Variants in TM4SF4 observed in about 807,000 individuals in gnomAD.
TM4SF4 encodes transmembrane 4 L six family member 4, also known as transmembrane 4 L6 family member 4.
A neutral mutation model predicts 24.1 loss-of-function variants in TM4SF4; 24 were observed. The observed-to-expected ratio is 1.00, with a 90% CI of 0.72 to 1.40. TM4SF4 has a LOEUF of 1.40. TM4SF4 is among the 40% of genes most tolerant of loss of function. The pLI, the probability that TM4SF4 is intolerant of heterozygous loss-of-function variation, is 0.00. For missense variants in TM4SF4, 254 were observed against 254.2 expected, an observed-to-expected ratio of 1.00 and a Z score of 0.01; for synonymous variants, 113 against 97.0, an observed-to-expected ratio of 1.17 and a Z score of -0.97.
chr3:149,477,399 C>T (rs1236998768), intron 2 of TM4SF4, among the ~76,000 whole-genome samples: 1 of 152,138 alleles, frequency 6.6e-6, no homozygotes, highest in East Asian at 1.9e-4. Flanking sequence ...GTTCACATGT[C>T]CACCTAAAAG....
chr3:149,487,507 C>T, intron 2 of TM4SF4, 112 bp from the exon 3 acceptor site: 1 of 1,342,958 alleles, frequency 7.4e-7, no homozygotes. Context: ...AGACTAGCTC[C>T]TACTCCATAA....
intron 3 of TM4SF4, chr3:149,495,878 G>A (rs1189914435): frequency 5.5e-6 from 1 of 183,448 alleles, no homozygotes; most frequent in African/African-American, 2.4e-5. Context: ...CCTCCTCTGG[G>A]TCATGTTGCT....
intron 4 of TM4SF4, among the ~76,000 whole-genome samples, chr3:149,500,003 G>A (rs1408814792): frequency 2.6e-5 from 4 of 151,954 alleles, no homozygotes; most frequent in African/African-American, 4.8e-5. Context: ...GTCTCCCTCC[G>A]GCCTTTGTCT....
chr3:149,498,704 C>T lies in TM4SF4; in HGVS notation c.402-18C>T, dbSNP rs1256378375. ...CACTTTTTACAAATGTTTCCTTTGT[C>T]CCCTATATCACCAACAGGGATTATC... is the stretch of plus-strand genomic sequence containing the variant. On this transcript the variant is annotated intron_variant, in intron 3 of 4. Coordinates refer to ENST00000305354, the MANE Select transcript of TM4SF4 (RefSeq NM_004617.4). 1 of 1,611,514 alleles carries T rather than the reference C, an allele frequency of 6.2e-7. No individual in the cohort carries two copies. Among genetic ancestry groups the T allele is most frequent in the Non-Finnish European group, 8.5e-7 (1 of 1,177,954 alleles).
In TM4SF4 at chr3:149,487,686, C is replaced by G. The variant is rs769471116; in HGVS notation, c.332C>G (p.Ala111Gly). The change falls in exon 3 of 5, where the codon GCC (alanine) becomes GGC (glycine). Residue 111 changes from alanine to glycine, a missense_variant. By Grantham distance (60) the Ala-to-Gly change is moderately conservative. Coordinates refer to ENST00000305354, the MANE Select transcript of TM4SF4 (RefSeq NM_004617.4). ...GCTGGATACTCGTTTATCATCTCAG[C>G]CATTTCAATCAACAAGGGTCCTAAA... ...LGAGYSFIIS[A>G]ISINKGPKCL... The G allele has an allele frequency of 1.7e-5, 27 of 1,614,038 alleles. 2 individuals carry two copies. In the South Asian group the frequency reaches 2.9e-4, roughly 17 times the overall value.
intron 3 of TM4SF4, among the ~76,000 whole-genome samples, chr3:149,494,010 T>C (rs956431406): frequency 2.0e-5 from 3 of 152,194 alleles, no homozygotes; most frequent in African/African-American, 7.2e-5. Flanking sequence ...ACAGCTCAGG[T>C]GGAAATACCT....
intron 3 of TM4SF4, chr3:149,495,383 T>C: frequency 3.1e-6 from 1 of 327,254 alleles, no homozygotes. Flanking sequence ...CCCTTGCATC[T>C]GCCCCTCCAG....
chr3:149,491,311 A>AAAAAAAAAAAATTGG (rs1734206266), intron 3 of TM4SF4, among the ~76,000 whole-genome samples: 1 of 151,420 alleles, frequency 6.6e-6, no homozygotes, highest in Admixed American at 6.6e-5. Context: ...AAAAAAATTA[A>AAAAAAAAAAAATTGG]AAAATTAGCT....
chr3:149,481,341 G>A lies in TM4SF4; in HGVS notation c.264+5429G>A, dbSNP rs1734029810. 1.3e-5 allele frequency among the ~76,000 whole-genome samples: 2 copies of A among 152,132 alleles called. 1 individual carries two copies. The highest frequency in any genetic ancestry group is 4.2e-4 in the South Asian group (2 of 4,818). On this transcript the variant is annotated intron_variant, in intron 2 of 4. Coordinates refer to ENST00000305354, the MANE Select transcript of TM4SF4 (RefSeq NM_004617.4). ...CATAGATCCTCAATAAGTACTTGCT[G>A]GATGGATGAAGTAAGTGAACACCTA... is the stretch of plus-strand genomic sequence containing the variant.
intron 3 of TM4SF4, among the ~76,000 whole-genome samples, chr3:149,490,564 T>C (rs1404703045): frequency 6.6e-6 from 1 of 152,202 alleles, no homozygotes; most frequent in East Asian, 1.9e-4. Context: ...TCACTCCAAG[T>C]CACAGTGCTT....
chr3:149,486,403 T>C (rs1734116375), intron 2 of TM4SF4, among the ~76,000 whole-genome samples: 1 of 152,242 alleles, frequency 6.6e-6, no homozygotes, highest in South Asian at 2.1e-4. Context: ...CTTTAAACCC[T>C]GTGCTTCGTC....
At chr3:149,486,373 CCTGGGT>C (rs1314423048) in intron 2 of TM4SF4, among the ~76,000 whole-genome samples, 4 of 152,148 alleles carry the variant, frequency 2.6e-5, no homozygotes, top group African/African-American at 9.7e-5. Context: ...GAGATATGAG[CCTGGGT>C]CTGGGTCTGC....
chr3:149,501,314 A>G (rs564921742), intron 4 of TM4SF4, among the ~76,000 whole-genome samples: 19 of 151,436 alleles, frequency 1.3e-4, no homozygotes, highest in African/African-American at 4.4e-4. Context: ...AGAATTGTCC[A>G]TTTTTTTCCC....
chr3:149,482,774 G>A (rs995184984), intron 2 of TM4SF4, among the ~76,000 whole-genome samples: 6 of 152,106 alleles, frequency 3.9e-5, no homozygotes, highest in African/African-American at 7.2e-5. Context: ...GAACTCCTGG[G>A]CTCAAGCGGT....
At position 149,498,734 on chromosome 3, in the gene TM4SF4, T is replaced by C; in HGVS notation, c.414T>C (p.Asn138=). ...ATATCACCAACAGGGATTATCTCAA[T>C]GATGAGGCCTTATGGAACAAGTGCC... ...GYPFHDGDYL[N]DEALWNKCRE... Residue 138 remains asparagine (N), a synonymous_variant, in exon 4 of 5, where the codon AAT becomes AAC. Coordinates refer to ENST00000305354, the MANE Select transcript of TM4SF4 (RefSeq NM_004617.4). 6.2e-7 allele frequency: 1 copy of C among 1,613,990 alleles called. No homozygotes were observed.
chr3:149,492,347 A>G (rs941956587), intron 3 of TM4SF4, among the ~76,000 whole-genome samples: 22 of 152,062 alleles, frequency 1.4e-4, no homozygotes, highest in African/African-American at 4.8e-5. Context: ...TAAGGGAGGG[A>G]GCAAAAGTAG....
intron 2 of TM4SF4, among the ~76,000 whole-genome samples, chr3:149,486,492 T>G (rs1246332788): frequency 1.3e-5 from 2 of 152,258 alleles, no homozygotes; most frequent in Non-Finnish European, 2.9e-5. Flanking sequence ...CTAGTTACTG[T>G]CTAGAATGGA....
At chr3:149,482,841 G>C (rs530394548) in intron 2 of TM4SF4, among the ~76,000 whole-genome samples, 2 of 152,160 alleles carry the variant, frequency 1.3e-5, no homozygotes, top group African/African-American at 2.4e-5. Context: ...ACCAAGCCCG[G>C]CCTTTCTTTC....
At chr3:149,476,332 TCCTCC>T (rs1205573788) in intron 2 of TM4SF4, among the ~76,000 whole-genome samples, 6 of 152,264 alleles carry the variant, frequency 3.9e-5, no homozygotes, top group African/African-American at 1.4e-4. Context: ...AAAGATGGTA[TCCTCC>T]CCTCCCCAGT....
Sources: gnomAD v4.1 joint callset for allele counts (sites outside exome capture counted in the v4.1 genomes callset) on GRCh38, gnomAD v4.1.1 for gene constraint, MANE v1.5 for transcripts, NCBI Gene and HGNC (gene_info 2026-07-23, HGNC 2026-07-21) for gene names.